The following CDH19 variants were observed in gnomAD, a reference collection of about 807,000 sequenced individuals.
The protein encoded by CDH19 is cadherin 19, also known as cadherin-19.
In CDH19, 67 loss-of-function variants were observed where a neutral mutation model predicts 64.2. The ratio of observed to expected loss-of-function variants is 1.04; its 90% confidence interval spans 0.86 to 1.28. The LOEUF is 1.28. CDH19 is among the 50% of genes most tolerant of loss of function. CDH19 has a pLI of 0.00. For synonymous variants in CDH19, 346 were observed against 319.3 expected (o/e 1.08, Z -0.89); for missense variants, 1,030 against 929.0 (o/e 1.11, Z -1.41).
chr18:66,575,351 A>T (rs1988235499), intron 1 of CDH19, among the ~76,000 whole-genome samples: 1 of 151,764 alleles, frequency 6.6e-6, no homozygotes, highest in Non-Finnish European at 1.5e-5. Flanking sequence ...CTGGAGAAAG[A>T]CCTCTGCCCA....
intron 1 of CDH19, among the ~76,000 whole-genome samples, chr18:66,573,423 C>T (rs1036913312): frequency 1.3e-5 from 2 of 151,424 alleles, no homozygotes; most frequent in African/African-American, 2.4e-5. Flanking sequence ...TCTGTGGTCC[C>T]GGTATACTCC....
At chr18:66,521,875 T>C (rs1275320827) in intron 9 of CDH19, among the ~76,000 whole-genome samples, 1 of 151,486 alleles carries the variant, frequency 6.6e-6, no homozygotes, top group African/African-American at 2.4e-5. Context: ...TAAAATGTAT[T>C]AGTCTGCCAA....
intron 1 of CDH19, among the ~76,000 whole-genome samples, chr18:66,595,708 G>A (rs1165782161): frequency 6.6e-6 from 1 of 151,978 alleles, no homozygotes; most frequent in South Asian, 2.1e-4. Flanking sequence ...TGGACTAGAC[G>A]AATTCACAGC....
chr18:66,507,777 A>G (rs1251310787), intron 11 of CDH19, among the ~76,000 whole-genome samples: 1 of 151,892 alleles, frequency 6.6e-6, no homozygotes, highest in East Asian at 1.9e-4. Flanking sequence ...AGACTTTTGG[A>G]TTATTTTTAG....
At position 66,539,577 on chromosome 18, in the gene CDH19, C is replaced by T. The variant is rs528440497; in HGVS notation, c.1214+4394G>A. 1.4e-4 allele frequency among the ~76,000 whole-genome samples: 21 copies of T among 152,028 alleles called. 1 individual carries two copies. The South Asian group carries it at 4.1e-3, about 30-fold the overall frequency. On this transcript the variant is annotated intron_variant, in intron 7 of 11. Transcript: ENST00000262150. ...TCTCAATATGGTGGTTTATATGAAA[C>T]TATTTTAATATATAGACACATCCTT...
chr18:66,532,013 C>A (rs1986462383), intron 8 of CDH19, among the ~76,000 whole-genome samples: 1 of 152,108 alleles, frequency 6.6e-6, no homozygotes. Flanking sequence ...CTCTCTCAGG[C>A]TGTAGTGCAG....
In CDH19 at chr18:66,544,232, G is replaced by A; in HGVS notation, c.961-8C>T. On this transcript the variant is annotated splice_polypyrimidine_tract_variant and splice_region_variant and intron_variant, in intron 6 of 11. Transcript: ENST00000262150. ...GTGCTCAAAATCCACTTTCTGCAAA[G>A]AAACACAGTATACACAAAAGAAATG... is the stretch of plus-strand genomic sequence containing the variant. 6.2e-7 allele frequency: 1 copy of A among 1,611,200 alleles called. No individual in the cohort carries two copies. The highest frequency in any genetic ancestry group is 8.5e-7 in the Non-Finnish European group (1 of 1,178,486).
At chr18:66,567,386 G>C (rs748829719) in intron 3 of CDH19, among the ~76,000 whole-genome samples, 7 of 151,204 alleles carry the variant, frequency 4.6e-5, no homozygotes, top group Non-Finnish European at 1.0e-4. Flanking sequence ...GGAGGGATGA[G>C]GAAGGTGAAC....
At chr18:66,517,005 T>C (rs559359153) in intron 9 of CDH19, among the ~76,000 whole-genome samples, 21 of 152,098 alleles carry the variant, frequency 1.4e-4, no homozygotes, top group Admixed American at 6.6e-5. Flanking sequence ...ATAATAATTT[T>C]CCTAGGGATA....
At chr18:66,599,724 A>G (rs1177956865) in intron 1 of CDH19, among the ~76,000 whole-genome samples, 2 of 152,076 alleles carry the variant, frequency 1.3e-5, no homozygotes, top group Non-Finnish European at 2.9e-5. Flanking sequence ...AACATCCTAT[A>G]AACAGATTAA....
At chr18:66,515,114 A>T (rs147639905) in intron 9 of CDH19, among the ~76,000 whole-genome samples, 1 of 151,816 alleles carries the variant, frequency 6.6e-6, no homozygotes, top group African/African-American at 2.4e-5. Context: ...AACAATAAAA[A>T]AATGCTTCTC....
chr18:66,597,683 A>G (rs1442402788), intron 1 of CDH19, among the ~76,000 whole-genome samples: 1 of 152,156 alleles, frequency 6.6e-6, no homozygotes, highest in East Asian at 1.9e-4. Context: ...ATCAGAGAAA[A>G]TATTTGCAAA....
At chr18:66,538,545 G>A (rs910895202) in intron 7 of CDH19, among the ~76,000 whole-genome samples, 1 of 151,886 alleles carries the variant, frequency 6.6e-6, no homozygotes. Context: ...AAGGATATTT[G>A]AGTCAATTCC....
intron 2 of CDH19, 124 bp downstream of exon 2, chr18:66,571,886 G>A: frequency 1.6e-6 from 1 of 608,708 alleles, no homozygotes. Flanking sequence ...TATTGATGCT[G>A]CTGTTTGAAG....
intron 1 of CDH19, among the ~76,000 whole-genome samples, chr18:66,585,003 G>A (rs566168612): frequency 1.3e-5 from 2 of 152,016 alleles, no homozygotes; most frequent in South Asian, 4.1e-4. Flanking sequence ...ACTCTCAATA[G>A]CCAAAATCCA....
At chr18:66,534,912 C>G (rs1986597834) in intron 8 of CDH19, 74 bp downstream of exon 8, 1 of 984,934 alleles carries the variant, frequency 1.0e-6, no homozygotes, top group Non-Finnish European at 1.4e-6. Flanking sequence ...GTAGCCTTGT[C>G]CCCATGTATA....
At chr18:66,583,667 T>A (rs891410783) in intron 1 of CDH19, among the ~76,000 whole-genome samples, 1 of 152,036 alleles carries the variant, frequency 6.6e-6, no homozygotes, top group Admixed American at 6.6e-5. Flanking sequence ...ACAAATCACG[T>A]AGACCAAGGA....
chr18:66,548,268 T>TTA (rs1555687815), intron 5 of CDH19, among the ~76,000 whole-genome samples: 28,790 of 145,982 alleles, frequency 0.2, 3,164 homozygotes, highest in Middle Eastern at 0.31. Flanking sequence ...TATATTTTTT[T>TTA]AAAAATATAT....
intron 5 of CDH19, among the ~76,000 whole-genome samples, chr18:66,549,878 T>G (rs1288354527): frequency 1.3e-5 from 2 of 152,062 alleles, no homozygotes; most frequent in African/African-American, 4.8e-5. Flanking sequence ...GATGCCAACT[T>G]CCTGTGCTTA....
Sources: allele counts gnomAD v4.1 joint callset (sites outside exome capture counted in the v4.1 genomes callset), GRCh38; gene constraint gnomAD v4.1.1; transcripts MANE v1.5; gene names NCBI Gene and HGNC (gene_info 2026-07-23, HGNC 2026-07-21).